Variants in FAM81A observed in about 807,000 individuals in gnomAD.
The protein encoded by FAM81A is protein FAM81A.
Under a neutral mutation model 46.7 loss-of-function variants are expected in FAM81A, and 19 were observed. That is an observed-to-expected ratio of 0.41 (90% CI 0.28 to 0.60). The LOEUF (loss-of-function observed/expected upper bound fraction) is 0.60, where lower values mean the gene tolerates loss of function less well. FAM81A is among the 20% of genes least tolerant of loss of function. FAM81A has a pLI of 0.34. For missense variants in FAM81A, 377 were observed against 453.5 expected (o/e 0.83, Z 1.53); for synonymous variants, 183 against 152.9 (o/e 1.20, Z -1.45).
chr15:59,505,245 C>T (rs1030538018), intron 4 of FAM81A, among the ~76,000 whole-genome samples: 1 of 152,168 alleles, frequency 6.6e-6, no homozygotes, highest in African/African-American at 2.4e-5. Flanking sequence ...GGCGCGGTGG[C>T]ACACATCTGT....
rs1397816466 is a variant in FAM81A at position 59,489,546 on chromosome 15, GA to G, written c.295-2715del. ...ACCAATGACATTCTTCACAGAAATA[GA>G]AAAAAAAAATCCTAAAGTTCACATG... On this transcript the variant is annotated intron_variant, in intron 3 of 8. Coordinates refer to ENST00000288228, the MANE Select transcript of FAM81A (RefSeq NM_152450.3). 1.9e-3 allele frequency among the ~76,000 whole-genome samples: 280 copies of G among 148,670 alleles called. 2 individuals are homozygous for G. Among genetic ancestry groups the G allele is most frequent in the African/African-American group, 6.5e-3 (266 of 40,616 alleles).
chr15:59,412,272 C>G (rs776597825), intron 2 of FAM81A, among the ~76,000 whole-genome samples: 1 of 151,996 alleles, frequency 6.6e-6, no homozygotes, highest in Middle Eastern at 3.2e-3. Context: ...TATGATGGCA[C>G]GGGAGGTTCA....
chr15:59,477,119 C>CA (rs75168770), intron 3 of FAM81A, among the ~76,000 whole-genome samples: 1,912 of 106,718 alleles, frequency 0.018, 14 homozygotes, highest in Non-Finnish European at 0.025. Context: ...GACTCTGACT[C>CA]AAAAAAAAAA....
chr15:59,466,858 T>G (rs1245934753), intron 3 of FAM81A, among the ~76,000 whole-genome samples: 1 of 152,230 alleles, frequency 6.6e-6, no homozygotes, highest in Admixed American at 6.5e-5. Flanking sequence ...TTTAAGTCTT[T>G]AATCCATCTT....
chr15:59,485,804 G>C (rs1432350106), intron 3 of FAM81A, among the ~76,000 whole-genome samples: 1 of 152,166 alleles, frequency 6.6e-6, no homozygotes, highest in Non-Finnish European at 1.5e-5. Context: ...ATTCAAAATA[G>C]CTGTTTTGAG....
chr15:59,452,149 A>G (rs1365678757), intron 1 of FAM81A, among the ~76,000 whole-genome samples: 3 of 152,230 alleles, frequency 2.0e-5, no homozygotes, highest in Non-Finnish European at 1.5e-5. Flanking sequence ...TCAAAGTCTC[A>G]TCTTAACTTG....
chr15:59,470,093 A>G (rs552107968), intron 3 of FAM81A, among the ~76,000 whole-genome samples: 1 of 152,148 alleles, frequency 6.6e-6, no homozygotes, highest in African/African-American at 2.4e-5. Context: ...AGTCTGATGG[A>G]CTTACCTTTA....
chr15:59,436,359 G>A (rs563128261), upstream of FAM81A, among the ~76,000 whole-genome samples: 34 of 151,774 alleles, frequency 2.2e-4, no homozygotes, highest in Admixed American at 2.0e-4. Context: ...AGGAAGCCAG[G>A]AAGGGGTGCC....
chr15:59,520,392 G>T lies in FAM81A; in HGVS notation c.983-862G>T, dbSNP rs117956720. On this transcript the variant is annotated intron_variant, in intron 8 of 8. Transcript: ENST00000288228. ...AATTTGTATTTTTCCTATAATTAGTGATGTTGGCCCTTCAGGTTCTAATCC... is the reference window on the plus strand; with the variant it reads ...AATTTGTATTTTTCCTATAATTAGTTATGTTGGCCCTTCAGGTTCTAATCC... Among the ~76,000 whole-genome samples the T allele has an allele frequency of 1.1e-3, 172 of 152,202 alleles. 2 individuals carry two copies. The East Asian group carries it at 0.027, about 24-fold the overall frequency.
intron 4 of FAM81A, among the ~76,000 whole-genome samples, chr15:59,495,054 A>G (rs938438356): frequency 1.3e-5 from 2 of 152,200 alleles, no homozygotes; most frequent in South Asian, 2.1e-4. Context: ...ATCTAACTAT[A>G]TAAGTCACCT....
chr15:59,404,223 G>A (rs1156589727), intron 2 of FAM81A, among the ~76,000 whole-genome samples: 1 of 151,894 alleles, frequency 6.6e-6, no homozygotes. Context: ...CAAACCCATT[G>A]ATTCTCAGGG....
intron 2 of FAM81A, chr15:59,408,058 C>A (rs2081104405): frequency 6.0e-6 from 1 of 166,968 alleles, no homozygotes; most frequent in South Asian, 1.5e-4. Context: ...GGCCTTTTCT[C>A]CAACACGGGA....
intron 3 of FAM81A, among the ~76,000 whole-genome samples, chr15:59,487,952 AAAC>A (rs1222000741): frequency 1.3e-5 from 2 of 151,492 alleles, no homozygotes; most frequent in South Asian, 2.1e-4. Flanking sequence ...ACAAAAACAA[AAAC>A]AACAACAAAA....
At chr15:59,429,279 C>CT (rs1172961885) in intron 2 of FAM81A, among the ~76,000 whole-genome samples, 9 of 152,110 alleles carry the variant, frequency 5.9e-5, no homozygotes, top group Non-Finnish European at 1.0e-4. Context: ...TGGTATGAAT[C>CT]TTTTTTTCGT....
intron 4 of FAM81A, among the ~76,000 whole-genome samples, chr15:59,501,366 A>G (rs565810528): frequency 6.6e-6 from 1 of 152,318 alleles, no homozygotes; most frequent in Non-Finnish European, 1.5e-5. Flanking sequence ...AATTGCTAGC[A>G]TATTGCTATA....
chr15:59,488,473 A>T (rs113406429), intron 3 of FAM81A, among the ~76,000 whole-genome samples: 13,223 of 152,248 alleles, frequency 0.087, 712 homozygotes, highest in African/African-American at 0.15. Context: ...AAGGAAGAAG[A>T]CAAATTATTC....
chr15:59,479,232 C>G (rs936554009), intron 3 of FAM81A, among the ~76,000 whole-genome samples: 19 of 152,130 alleles, frequency 1.2e-4, no homozygotes, highest in Non-Finnish European at 2.2e-4. Flanking sequence ...AGGATGGTGG[C>G]CGGGCGCGGT....
At chr15:59,435,650 G>T (rs940470450), upstream of FAM81A, among the ~76,000 whole-genome samples, 1 of 152,024 alleles carries the variant, frequency 6.6e-6, no homozygotes, top group African/African-American at 2.4e-5. Context: ...GAATTTCCAT[G>T]GTGTCTAGCA....
At chr15:59,477,532 T>C (rs1456730676) in intron 3 of FAM81A, among the ~76,000 whole-genome samples, 1 of 152,218 alleles carries the variant, frequency 6.6e-6, no homozygotes. Context: ...TTTATGATTT[T>C]CTGTCATGTG....
Sources: gnomAD v4.1 joint callset for allele counts (sites outside exome capture counted in the v4.1 genomes callset) on GRCh38, gnomAD v4.1.1 for gene constraint, MANE v1.5 for transcripts, NCBI Gene and HGNC (gene_info 2026-07-23, HGNC 2026-07-21) for gene names.